The following ERC1 variants were observed in gnomAD, a reference collection of about 807,000 sequenced individuals.
ERC1 encodes ELKS/RAB6-interacting/CAST family member 1.
ERC1 carries 56 observed loss-of-function variants against 132.0 expected under a neutral mutation model. The observed-to-expected ratio is 0.42, with a 90% CI of 0.34 to 0.53. The LOEUF is 0.53. ERC1 is among the 20% of genes least tolerant of loss of function. The pLI is 0.03. For synonymous variants in ERC1, 478 were observed against 476.1 expected (o/e 1.00, Z -0.05); for missense variants, 1,202 against 1,349.9 (o/e 0.89, Z 1.72).
intron 16 of ERC1, 70 bp downstream of exon 16, chr12:1,372,047 C>T (rs748101357): frequency 2.6e-6 from 4 of 1,542,122 alleles, no homozygotes; most frequent in Non-Finnish European, 2.6e-6. Context: ...AGGTCTTTGC[C>T]AGCTTGTACT....
In ERC1 at chr12:1,493,100, A is replaced by G. The variant is rs2094330979; in HGVS notation, c.*2870A>G. ...GATCCCAACGGGGTTTTGTAACTGA[A>G]GAAGCCCAGTGTGAGCTTCTCATCT... On this transcript the variant is annotated 3_prime_UTR_variant, in exon 19 of 19. Transcript: ENST00000360905. The G allele has an allele frequency of 4.6e-6, 1 of 219,290 alleles. No individual in the cohort carries two copies. Among genetic ancestry groups the G allele is most frequent in the East Asian group, 6.6e-5 (1 of 15,068 alleles). The allele number at this position is 219,290 out of a possible 1,614,324, so 13.6% of individuals were successfully genotyped here.
chr12:1,222,340 G>A (rs1397583821), intron 12 of ERC1, among the ~76,000 whole-genome samples: 3 of 150,832 alleles, frequency 2.0e-5, no homozygotes, highest in Non-Finnish European at 4.4e-5. Flanking sequence ...AGCAATTCTT[G>A]TGCCTCAGAC....
intron 18 of ERC1, among the ~76,000 whole-genome samples, chr12:1,487,743 A>T (rs1474714516): frequency 2.3e-5 from 3 of 132,610 alleles, no homozygotes; most frequent in African/African-American, 7.9e-5. Context: ...GAGAGAGAGG[A>T]GAAGGGTAGG....
rs535305255 is a variant in ERC1 at position 1,105,343 on chromosome 12, A to AT, written c.1161+528dup. On this transcript the variant is annotated intron_variant, in intron 4 of 18. Coordinates refer to ENST00000360905, the MANE Select transcript of ERC1 (RefSeq NM_178040.4). Reference sequence around the variant, plus strand: ...AAAGTATGTGTACTCCAGAGTTGAGATTTTTTTTTATTATTTTTTATTTTT... The same window carrying AT: ...AAAGTATGTGTACTCCAGAGTTGAGATTTTTTTTTTATTATTTTTTATTTTT... Among the ~76,000 whole-genome samples the AT allele has an allele frequency of 9.2e-5, 14 of 151,672 alleles. No homozygotes were observed. In the South Asian group the frequency reaches 1.5e-3, roughly 16 times the overall value.
chr12:1,133,873 C>T (rs766070605), intron 7 of ERC1, among the ~76,000 whole-genome samples: 32 of 152,140 alleles, frequency 2.1e-4, no homozygotes, highest in Non-Finnish European at 2.5e-4. Flanking sequence ...CAACTTTATT[C>T]AGATTCCATA....
intron 13 of ERC1, among the ~76,000 whole-genome samples, chr12:1,262,757 T>TC (rs2077221378): frequency 6.6e-6 from 1 of 152,238 alleles, no homozygotes; most frequent in African/African-American, 2.4e-5. Context: ...ACCTCTGCTG[T>TC]CTAACACAGT....
At chr12:1,246,266 A>G (rs1021476368) in intron 13 of ERC1, among the ~76,000 whole-genome samples, 5 of 152,156 alleles carry the variant, frequency 3.3e-5, no homozygotes, top group African/African-American at 1.2e-4. Context: ...AGAGTGCTTA[A>G]ATTCACCATG....
chr12:1,236,123 A>T (rs1372278720), intron 12 of ERC1, among the ~76,000 whole-genome samples: 1 of 151,244 alleles, frequency 6.6e-6, no homozygotes, highest in Non-Finnish European at 1.5e-5. Context: ...ATAAATGAAC[A>T]GTTCATATAT....
intron 18 of ERC1, among the ~76,000 whole-genome samples, chr12:1,469,740 G>A (rs956327952): frequency 5.3e-5 from 8 of 152,214 alleles, no homozygotes; most frequent in Non-Finnish European, 7.3e-5. Flanking sequence ...CTGAGCTTTA[G>A]GGGGCTGTGG....
At chr12:1,170,002 A>C (rs1952876464) in intron 8 of ERC1, among the ~76,000 whole-genome samples, 1 of 152,244 alleles carries the variant, frequency 6.6e-6, no homozygotes, top group African/African-American at 2.4e-5. Context: ...TGTATTTAGA[A>C]AATATTTGGT....
chr12:1,035,757 CTAAAAA>C (rs1232940145), intron 2 of ERC1, among the ~76,000 whole-genome samples: 2 of 151,974 alleles, frequency 1.3e-5, no homozygotes, highest in Non-Finnish European at 2.9e-5. Context: ...CCCGTCTCTA[CTAAAAA>C]TACAAAAAAT....
intron 17 of ERC1, among the ~76,000 whole-genome samples, chr12:1,417,113 G>A (rs1010573325): frequency 1.3e-5 from 2 of 152,092 alleles, no homozygotes; most frequent in African/African-American, 4.8e-5. Flanking sequence ...TTAGTTTACT[G>A]TTTGACCTCG....
chr12:1,266,777 A>G (rs2077512119), intron 14 of ERC1, among the ~76,000 whole-genome samples: 2 of 152,196 alleles, frequency 1.3e-5, no homozygotes, highest in South Asian at 4.1e-4. Flanking sequence ...GAGATAATCT[A>G]CAAATGTTCT....
intron 8 of ERC1, among the ~76,000 whole-genome samples, chr12:1,156,884 T>C (rs1951447584): frequency 6.6e-6 from 1 of 152,172 alleles, no homozygotes; most frequent in African/African-American, 2.4e-5. Flanking sequence ...GTATTTTTTC[T>C]TGTTGATTTA....
chr12:1,424,851 TAGATAGATAGATCGATAGATAGATA>T (rs1565411299), intron 17 of ERC1, among the ~76,000 whole-genome samples: 1 of 122,324 alleles, frequency 8.2e-6, no homozygotes, highest in African/African-American at 4.0e-5. Flanking sequence ...AGATGATAGA[TAGATAGATAGATCGATAGATAGATA>T]GATAGATAGA....
chr12:1,257,030 G>A (rs979978699), intron 13 of ERC1: 9 of 150,742 alleles, frequency 6.0e-5, no homozygotes, highest in African/African-American at 2.0e-4. Flanking sequence ...CACCCTGTCA[G>A]GATTGGTCTG....
intron 1 of ERC1, among the ~76,000 whole-genome samples, chr12:1,002,160 CTTTTTTTTTTTTTTTTT>C (rs71055117): frequency 2.3e-4 from 9 of 38,454 alleles, no homozygotes; most frequent in East Asian, 8.8e-4. Flanking sequence ...CCATGCCCGG[CTTTTTTTTTTTTTTTTT>C]TTTTTTTTTT....
chr12:1,305,389 T>C (rs187550267), intron 15 of ERC1, among the ~76,000 whole-genome samples: 108 of 152,326 alleles, frequency 7.1e-4, no homozygotes, highest in African/African-American at 2.5e-3. Flanking sequence ...ACAGGGATAG[T>C]CAACCTTTGT....
intron 16 of ERC1, among the ~76,000 whole-genome samples, chr12:1,379,441 C>G (rs2088357446): frequency 6.6e-6 from 1 of 152,212 alleles, no homozygotes; most frequent in Non-Finnish European, 1.5e-5. Flanking sequence ...GAGGTTTGCA[C>G]TAGTCTCTCC....
Sources: allele counts gnomAD v4.1 joint callset (sites outside exome capture counted in the v4.1 genomes callset), GRCh38; gene constraint gnomAD v4.1.1; transcripts MANE v1.5; gene names NCBI Gene and HGNC (gene_info 2026-07-23, HGNC 2026-07-21).